Variants in SLC35F4 observed in about 807,000 individuals in gnomAD.
The protein encoded by SLC35F4 is solute carrier family 35 member F4.
Under a neutral mutation model 44.2 loss-of-function variants are expected in SLC35F4, and 24 were observed. The observed-to-expected ratio is 0.54, with a 90% confidence interval of 0.39 to 0.76. The LOEUF is 0.76. SLC35F4 is among the 30% of genes least tolerant of loss of function. The pLI is 0.00. For missense variants in SLC35F4, 562 were observed against 586.1 expected (o/e 0.96, Z 0.42); for synonymous variants, 238 against 223.6 (o/e 1.06, Z -0.57).
At chr14:57,811,476 T>G (rs1272748271) in intron 1 of SLC35F4, among the ~76,000 whole-genome samples, 4 of 152,106 alleles carry the variant, frequency 2.6e-5, no homozygotes, top group South Asian at 4.1e-4. Flanking sequence ...CCTTTCCACC[T>G]TCAAAGGACC....
At chr14:57,928,931 G>A (rs2141064355) in intron 1 of SLC35F4, among the ~76,000 whole-genome samples, 1 of 152,134 alleles carries the variant, frequency 6.6e-6, no homozygotes, top group Admixed American at 6.5e-5. Context: ...TTTCAACAGA[G>A]GAAAAGAGGA....
At chr14:57,897,882 T>A (rs942058194) in intron 1 of SLC35F4, among the ~76,000 whole-genome samples, 71 of 152,336 alleles carry the variant, frequency 4.7e-4, no homozygotes, top group African/African-American at 1.6e-3. Flanking sequence ...TGAGTTCCAG[T>A]GAGTCTCATT....
intron 1 of SLC35F4, among the ~76,000 whole-genome samples, chr14:57,700,990 T>C (rs1390669837): frequency 1.3e-5 from 2 of 152,042 alleles, no homozygotes; most frequent in Non-Finnish European, 2.9e-5. Context: ...TTAAATTTGG[T>C]TTTGTTTGCT....
chr14:57,915,307 C>G (rs949434623), intron 1 of SLC35F4, among the ~76,000 whole-genome samples: 2 of 152,086 alleles, frequency 1.3e-5, no homozygotes, highest in Non-Finnish European at 2.9e-5. Context: ...GGGCGTTTCT[C>G]CCAACGTCCT....
At chr14:57,578,009 G>A (rs551983679) in intron 4 of SLC35F4, among the ~76,000 whole-genome samples, 1 of 152,014 alleles carries the variant, frequency 6.6e-6, no homozygotes, top group South Asian at 2.1e-4. Context: ...CAAAATATTA[G>A]CAAGTTATTC....
At chr14:57,589,747 T>G (rs1250561610) in intron 2 of SLC35F4, among the ~76,000 whole-genome samples, 1 of 152,232 alleles carries the variant, frequency 6.6e-6, no homozygotes, top group Non-Finnish European at 1.5e-5. Context: ...TCCATGAGGT[T>G]GCTCATGCGG....
chr14:57,761,211 T>C (rs931190478), intron 1 of SLC35F4, among the ~76,000 whole-genome samples: 3 of 152,196 alleles, frequency 2.0e-5, no homozygotes, highest in Non-Finnish European at 4.4e-5. Context: ...TTTTATCCAA[T>C]TTTTAATTGT....
intron 1 of SLC35F4, among the ~76,000 whole-genome samples, chr14:57,782,530 G>A (rs1479305207): frequency 6.6e-6 from 1 of 152,156 alleles, no homozygotes; most frequent in Non-Finnish European, 1.5e-5. Flanking sequence ...CATACATGGT[G>A]GTGTTTGCAG....
chr14:57,617,366 G>A (rs112323518), intron 1 of SLC35F4, among the ~76,000 whole-genome samples: 1 of 151,504 alleles, frequency 6.6e-6, no homozygotes, highest in Non-Finnish European at 1.5e-5. Flanking sequence ...TCCTGACCTC[G>A]TGATCCACCT....
chr14:57,913,712 A>T (rs1889261003), intron 1 of SLC35F4, among the ~76,000 whole-genome samples: 1 of 152,190 alleles, frequency 6.6e-6, no homozygotes, highest in South Asian at 2.1e-4. Context: ...ATTATCTGTT[A>T]TATTAATTTG....
intron 1 of SLC35F4, among the ~76,000 whole-genome samples, chr14:57,725,801 T>G (rs2076187798): frequency 1.3e-5 from 2 of 152,212 alleles, no homozygotes; most frequent in South Asian, 4.1e-4. Context: ...TATATGGTAC[T>G]GTTTCTGTCA....
intron 2 of SLC35F4, 103 bp downstream of exon 2, chr14:57,593,833 CATA>C: frequency 8.0e-7 from 1 of 1,251,572 alleles, no homozygotes; most frequent in South Asian, 1.5e-5. Flanking sequence ...CACATGTACT[CATA>C]AGAGTCCGTG....
chr14:57,796,059 G>C (rs1444186045), intron 1 of SLC35F4, among the ~76,000 whole-genome samples: 1 of 152,090 alleles, frequency 6.6e-6, no homozygotes, highest in Non-Finnish European at 1.5e-5. Context: ...TTGGTTTTCT[G>C]TTCCTGCATT....
chr14:57,770,557 G>T (rs1234256881), intron 1 of SLC35F4, among the ~76,000 whole-genome samples: 1 of 152,124 alleles, frequency 6.6e-6, no homozygotes, highest in African/African-American at 2.4e-5. Flanking sequence ...AAAGACAAGG[G>T]CAGGGCTTAA....
chr14:57,580,739 G>A (rs1459024696), intron 4 of SLC35F4, among the ~76,000 whole-genome samples: 2 of 151,860 alleles, frequency 1.3e-5, no homozygotes, highest in Admixed American at 6.6e-5. Flanking sequence ...TAACAGCATT[G>A]TGCCATTACC....
chr14:57,860,388 G>A (rs761734448), intron 1 of SLC35F4, among the ~76,000 whole-genome samples: 6 of 152,150 alleles, frequency 3.9e-5, no homozygotes, highest in Non-Finnish European at 7.4e-5. Context: ...CGAAGTAAAT[G>A]CACTCCTTTA....
At chr14:57,898,027 G>A (rs1317804613) in intron 1 of SLC35F4, among the ~76,000 whole-genome samples, 3 of 152,176 alleles carry the variant, frequency 2.0e-5, no homozygotes, top group African/African-American at 7.2e-5. Context: ...ACTGGTAGCA[G>A]CAAAATCATG....
intron 1 of SLC35F4, among the ~76,000 whole-genome samples, chr14:57,950,483 C>T (rs1890115196): frequency 6.6e-6 from 1 of 151,776 alleles, no homozygotes. Flanking sequence ...TCTGGTATCT[C>T]CTTGAGTAGC....
At chr14:57,685,946 A>G (rs1017430190) in intron 1 of SLC35F4, among the ~76,000 whole-genome samples, 11 of 152,228 alleles carry the variant, frequency 7.2e-5, no homozygotes, top group African/African-American at 2.7e-4. Flanking sequence ...ATGAAAACCA[A>G]TAGTAAATAA....
Sources: gnomAD v4.1 joint callset for allele counts (sites outside exome capture counted in the v4.1 genomes callset) on GRCh38, gnomAD v4.1.1 for gene constraint, MANE v1.5 for transcripts, NCBI Gene and HGNC (gene_info 2026-07-23, HGNC 2026-07-21) for gene names.